The following WHAMM variants were observed in gnomAD, a reference collection of about 807,000 sequenced individuals.
WHAMM encodes the protein WASP homolog associated with actin, golgi membranes and microtubules, also known as WASP homolog-associated protein with actin, membranes and microtubules.
In WHAMM, 67 loss-of-function variants were observed where a neutral mutation model predicts 76.5. The observed-to-expected ratio is 0.88, with a 90% CI of 0.72 to 1.07. The LOEUF (loss-of-function observed/expected upper bound fraction) is 1.07. WHAMM is among the 50% of genes least tolerant of loss of function. The probability of loss-of-function intolerance (pLI) is 0.00; values close to 1 mark genes in which losing one functional copy is unlikely to be tolerated. For missense variants in WHAMM, 1,021 were observed against 1,051.1 expected, an observed-to-expected ratio of 0.97 and a Z score of 0.40; for synonymous variants, 419 against 422.1, an observed-to-expected ratio of 0.99 and a Z score of 0.09.
At position 82,822,824 on chromosome 15, in the gene WHAMM, G is replaced by GTATA. The variant is rs67120933; in HGVS notation, c.1271-265_1271-262dup. On this transcript the variant is annotated intron_variant, in intron 5 of 9. Transcript: ENST00000286760. ...ATGTAAGTAGTATGTGTGTGTGTGT[G>GTATA]TATATATATATATACACACATATGT... 5.6e-5 allele frequency among the ~76,000 whole-genome samples: 8 copies of GTATA among 141,878 alleles called. No individual in the cohort carries two copies. The East Asian group carries it at 1.2e-3, about 22-fold the overall frequency. The allele number at this position is 141,878 out of a possible 152,430, so 93.1% of individuals were successfully genotyped here.
chr15:82,819,464 G>C lies in WHAMM; in HGVS notation c.1246G>C (p.Asp416His). The C allele has an allele frequency of 7.9e-7, 1 of 1,262,250 alleles. No individual in the cohort carries two copies. Among genetic ancestry groups the C allele is most frequent in the Non-Finnish European group, 1.1e-6 (1 of 944,942 alleles). 78.2% of individuals were successfully genotyped at this position (1,262,250 alleles called of 1,614,324 possible). ...NEEILLTTQL[D>H]SLKRLIKEKQ... The stretch of plus-strand genomic sequence containing the variant: ...AGAAATACTGCTTACTACACAGTTG[G>C]ACTCTCTTAAAAGACTTATAAAAGG... The change falls in exon 5 of 10, where the codon GAC becomes CAC. Residue 416 changes from aspartate to histidine, a missense_variant. This residue lies in a region of WHAMM where 509 missense variants were observed against 492.3 expected (regional missense o/e 1.03). Coordinates refer to ENST00000286760, the MANE Select transcript of WHAMM (RefSeq NM_001080435.3).
chr15:82,813,022 T>A, intron 1 of WHAMM, 81 bp from the exon 2 acceptor site: 2 of 1,078,976 alleles, frequency 1.9e-6, no homozygotes, highest in Non-Finnish European at 2.5e-6. Context: ...AACATGAAGG[T>A]TTCTTTTGTT....
In WHAMM at chr15:82,822,121, T is replaced by A. The variant is rs768049158; in HGVS notation, c.1271-979T>A. The stretch of plus-strand genomic sequence containing the variant: ...AGACAATTTCACTGTTTTATGTACT[T>A]CTGGAGGGTTTGAATTTGTTACAGT... On this transcript the variant is annotated intron_variant, in intron 5 of 9. Coordinates refer to ENST00000286760, the MANE Select transcript of WHAMM (RefSeq NM_001080435.3). Among the ~76,000 whole-genome samples the A allele has an allele frequency of 3.3e-5, 5 of 152,178 alleles. 1 individual carries two copies. Among genetic ancestry groups the A allele is most frequent in the African/African-American group, 7.2e-5 (3 of 41,440 alleles).
At position 82,809,680 on chromosome 15, in the gene WHAMM, G is replaced by A. The variant is rs1256115613; in HGVS notation, c.-47G>A. 2.3e-6 allele frequency: 3 copies of A among 1,333,082 alleles called. No individual in the cohort carries two copies. The highest frequency in any genetic ancestry group is 1.9e-6 in the Non-Finnish European group (2 of 1,030,274). 82.6% of individuals were successfully genotyped at this position (1,333,082 alleles called of 1,614,324 possible). A position where few individuals can be genotyped will look rare whatever the true frequency, so the allele number is the denominator to read the frequency against. On this transcript the variant is annotated 5_prime_UTR_variant, in exon 1 of 10. Coordinates refer to ENST00000286760, the MANE Select transcript of WHAMM (RefSeq NM_001080435.3). ...GTCCCGTGACAGGCGGTGCGAGGAG[G>A]CCAGGCCCGCGCCCGCCGAGCCCTA...
intron 9 of WHAMM, among the ~76,000 whole-genome samples, chr15:82,832,906 C>T (rs184499382): frequency 6.1e-4 from 93 of 152,304 alleles, no homozygotes; most frequent in African/African-American, 2.2e-3. Flanking sequence ...CCGTAACACT[C>T]TTCAGGATGG....
chr15:82,810,476 G>GC, intron 1 of WHAMM, 141 bp downstream of exon 1: 1 of 1,224,488 alleles, frequency 8.2e-7, no homozygotes, highest in Non-Finnish European at 1.0e-6. Flanking sequence ...GCTCCCCAGT[G>GC]CCGTCACCTG....
chr15:82,826,901 C>T, intron 8 of WHAMM, 55 bp downstream of exon 8: 2 of 1,489,898 alleles, frequency 1.3e-6, no homozygotes, highest in Non-Finnish European at 1.8e-6. Context: ...AACTGAAGAC[C>T]ACCCTAAAAA....
chr15:82,823,123 T>TA lies in WHAMM; in HGVS notation c.1295dup (p.Tyr432Ter). The TA allele has an allele frequency of 7.0e-7, 1 of 1,430,540 alleles. No homozygotes were observed. Among genetic ancestry groups the TA allele is most frequent in the Non-Finnish European group, 9.3e-7 (1 of 1,079,132 alleles). The allele number at this position is 1,430,540 out of a possible 1,614,324, so 88.6% of individuals were successfully genotyped here. Residue 432 changes from tyrosine to a stop codon, truncating the protein, a stop_gained and frameshift_variant, in exon 6 of 10, where the codon TAC becomes TAAC. Transcript: ENST00000286760. LOFTEE classifies it high-confidence loss of function. ...AGAAAAACAAGATGAAGTTGTCTAT[T>TA]ACGATCCATGTGAAAATCCAGAGGA... ...IKEKQDEVVY[Y>*]DPCENPEELK...
In WHAMM at chr15:82,823,292, G is replaced by T; in HGVS notation, c.1458+5G>T. On this transcript the variant is annotated splice_donor_5th_base_variant and intron_variant, in intron 6 of 9. Coordinates refer to ENST00000286760, the MANE Select transcript of WHAMM (RefSeq NM_001080435.3). ...GCCTCTCTCCGGAGTAGAAAGGTAG[G>T]TACGCTCAGAGCGGCTTTCTTTTCT... The T allele has an allele frequency of 1.4e-6, 2 of 1,463,606 alleles. No homozygotes were observed. Among genetic ancestry groups the T allele is most frequent in the Non-Finnish European group, 9.1e-7 (1 of 1,099,166 alleles). The allele number at this position is 1,463,606 out of a possible 1,614,324, so 90.7% of individuals were successfully genotyped here. A position where few individuals can be genotyped will look rare whatever the true frequency, so the allele number is the denominator to read the frequency against.
chr15:82,830,644 G>C lies in WHAMM; in HGVS notation c.1687G>C (p.Val563Leu), dbSNP rs533737183. Residue 563 changes from valine to leucine, a missense_variant, in exon 9 of 10, where the codon GTG (valine) becomes CTG (leucine). Coordinates refer to ENST00000286760, the MANE Select transcript of WHAMM (RefSeq NM_001080435.3). ...CCGAAACACCTCTGGCTCAGAACCTGTGGCTCCAAACCTGCCAAGTGATCT... is the reference window on the plus strand; with the variant it reads ...CCGAAACACCTCTGGCTCAGAACCTCTGGCTCCAAACCTGCCAAGTGATCT... ...SVRNTSGSEP[V>L]APNLPSDLSQ... 2 of 1,613,908 alleles carry C rather than the reference G, an allele frequency of 1.2e-6. No individual in the cohort carries two copies. Among genetic ancestry groups the C allele is most frequent in the African/African-American group, 2.7e-5 (2 of 75,022 alleles).
At position 82,809,666 on chromosome 15, in the gene WHAMM, GGCGGT is replaced by G; in HGVS notation, c.-57_-53del. On this transcript the variant is annotated 5_prime_UTR_variant, in exon 1 of 10. It removes the in-frame stop codon of an upstream open reading frame in the 5' UTR. Transcript: ENST00000286760. ...ATTTGGCTCGGACTGTCCCGTGACA[GGCGGT>G]GCGAGGAGGCCAGGCCCGCGCCCGC... 1 of 1,283,070 alleles carries G rather than the reference GGCGGT, an allele frequency of 7.8e-7. No individual in the cohort carries two copies. The highest frequency in any genetic ancestry group is 1.0e-6 in the Non-Finnish European group (1 of 992,340). 79.5% of individuals were successfully genotyped at this position (1,283,070 alleles called of 1,614,324 possible).
intron 8 of WHAMM, among the ~76,000 whole-genome samples, chr15:82,829,418 C>T (rs2050990474): frequency 6.6e-6 from 1 of 152,232 alleles, no homozygotes; most frequent in Non-Finnish European, 1.5e-5. Flanking sequence ...TCAGGGATGA[C>T]CTGATCAGTT....
rs2051109978 is a variant in WHAMM, at chr15:82,835,082, A to C, written c.*1546A>C. On this transcript the variant is annotated 3_prime_UTR_variant, in exon 10 of 10. Transcript: ENST00000286760. Reference sequence around the variant, plus strand: ...ACAAAAGGAACGCACCTCGTTTACAAAGAAAGTCCTGATTGATATAGAACA... The same window carrying C: ...ACAAAAGGAACGCACCTCGTTTACACAGAAAGTCCTGATTGATATAGAACA... 2 of 152,168 alleles carry C rather than the reference A, an allele frequency of 1.3e-5. No individual in the cohort carries two copies. Among genetic ancestry groups the C allele is most frequent in the South Asian group, 4.1e-4 (2 of 4,830 alleles). 9.4% of individuals were successfully genotyped at this position (152,168 alleles called of 1,614,324 possible). A position where few individuals can be genotyped will look rare whatever the true frequency, so the allele number is the denominator to read the frequency against.
At chr15:82,829,176 T>C (rs1019770386) in intron 8 of WHAMM, among the ~76,000 whole-genome samples, 1 of 152,196 alleles carries the variant, frequency 6.6e-6, no homozygotes, top group African/African-American at 2.4e-5. Context: ...ATGTGCAATA[T>C]AAGGCAGAAC....
At chr15:82,831,407 C>T (rs542981944) in intron 9 of WHAMM, among the ~76,000 whole-genome samples, 3 of 152,288 alleles carry the variant, frequency 2.0e-5, no homozygotes, top group East Asian at 3.9e-4. Context: ...TTGATTTCTG[C>T]CGTTGGAATA....
chr15:82,828,397 A>T (rs569814051), intron 8 of WHAMM, among the ~76,000 whole-genome samples: 132 of 152,298 alleles, frequency 8.7e-4, no homozygotes, highest in Non-Finnish European at 1.7e-3. Flanking sequence ...TTCTGATGTG[A>T]TTGCCCTGGA....
Position 82,823,166 on chromosome 15 carries a change from G to A in WHAMM, c.1337G>A (p.Cys446Tyr), listed in dbSNP as rs749422986. The part of the protein sequence containing the change: ...ENPEELKVID[C>Y]VVGLQDDKNL... ...CCAGAGGAACTTAAAGTCATTGACT[G>A]TGTGGTGGGGCTGCAGGATGATAAG... Residue 446 changes from cysteine (C) to tyrosine (Y), a missense_variant, in exon 6 of 10, where the codon TGT becomes TAT. Transcript: ENST00000286760. 5.1e-6 allele frequency: 8 copies of A among 1,567,114 alleles called. 1 individual carries two copies. The South Asian group carries it at 6.0e-5, about 12-fold the overall frequency.
intron 2 of WHAMM, among the ~76,000 whole-genome samples, chr15:82,815,549 CAT>C (rs1324548456): frequency 3.3e-5 from 5 of 152,156 alleles, no homozygotes; most frequent in Non-Finnish European, 5.9e-5. Flanking sequence ...TCTGTGTAGA[CAT>C]ATGTTTTCAT....
At position 82,834,057 on chromosome 15, in the gene WHAMM, T is replaced by TGAGAC. The variant is rs1412404606; in HGVS notation, c.*522_*526dup. The TGAGAC allele has an allele frequency of 1.3e-5, 2 of 153,864 alleles. No individual in the cohort carries two copies. Among genetic ancestry groups the TGAGAC allele is most frequent in the Non-Finnish European group, 2.9e-5 (2 of 69,646 alleles). The allele number at this position is 153,864 out of a possible 1,614,324, so 9.5% of individuals were successfully genotyped here. A position where few individuals can be genotyped will look rare whatever the true frequency, so the allele number is the denominator to read the frequency against. ...CCCAGCCTTTTTTTTTTCTTTCTTT[T>TGAGAC]GAGACAGAATCTCTCTGTCATCCAG... On this transcript the variant is annotated 3_prime_UTR_variant, in exon 10 of 10. Transcript: ENST00000286760.
Sources: allele counts gnomAD v4.1 joint callset (sites outside exome capture counted in the v4.1 genomes callset), GRCh38; gene constraint gnomAD v4.1.1; regional missense constraint gnomAD v4.1.1; transcripts MANE v1.5; gene names NCBI Gene and HGNC (gene_info 2026-07-23, HGNC 2026-07-21).